The following TMEM132D variants were observed in gnomAD, a reference collection of about 807,000 sequenced individuals.
TMEM132D encodes mature OL transmembrane protein.
In TMEM132D, 21 loss-of-function variants were observed where a neutral mutation model predicts 62.3. That is an observed-to-expected ratio of 0.34 (90% CI 0.24 to 0.49). The LOEUF (loss-of-function observed/expected upper bound fraction) is 0.49. TMEM132D is among the 20% of genes least tolerant of loss of function. The probability of loss-of-function intolerance (pLI) is 0.99; values close to 1 mark genes in which losing one functional copy is unlikely to be tolerated. For synonymous variants in TMEM132D, 621 were observed against 575.6 expected, an observed-to-expected ratio of 1.08 and a Z score of -1.13; for missense variants, 1,346 against 1,402.8, an observed-to-expected ratio of 0.96 and a Z score of 0.65.
At chr12:129,455,084 A>T (rs1416787595) in intron 3 of TMEM132D, among the ~76,000 whole-genome samples, 3 of 152,210 alleles carry the variant, frequency 2.0e-5, no homozygotes, top group Admixed American at 2.0e-4. Flanking sequence ...TTCACCAATG[A>T]ATAATTCTGC....
chr12:129,732,043 C>T (rs996240442), intron 1 of TMEM132D, among the ~76,000 whole-genome samples: 2 of 151,956 alleles, frequency 1.3e-5, no homozygotes, highest in Non-Finnish European at 1.5e-5. Context: ...GAGTGTAGGC[C>T]GGCCTTAGTG....
In TMEM132D at chr12:129,720,513, G is replaced by A. The variant is rs562413698; in HGVS notation, c.80-19815C>T. The stretch of plus-strand genomic sequence containing the variant: ...TCTTCTGATTGAATTACTTTCAAAG[G>A]CAGCCTGTTCATCATTTTGTGAATG... On this transcript the variant is annotated intron_variant, in intron 1 of 8. Transcript: ENST00000422113. Among the ~76,000 whole-genome samples, 156 of 152,258 alleles carry A rather than the reference G, an allele frequency of 1.0e-3. 1 individual carries two copies. The highest frequency in any genetic ancestry group is 3.3e-3 in the African/African-American group (139 of 41,544).
At chr12:129,667,218 A>G (rs1880398707) in intron 2 of TMEM132D, among the ~76,000 whole-genome samples, 1 of 152,220 alleles carries the variant, frequency 6.6e-6, no homozygotes, top group African/African-American at 2.4e-5. Flanking sequence ...CCTTACGGTC[A>G]AACTAATTAA....
At chr12:129,626,031 T>A (rs1593094972) in intron 2 of TMEM132D, among the ~76,000 whole-genome samples, 1 of 152,288 alleles carries the variant, frequency 6.6e-6, no homozygotes, top group East Asian at 1.9e-4. Context: ...ACAGTTGTTT[T>A]CCAATTGTGT....
chr12:129,785,506 C>T (rs1871226685), intron 1 of TMEM132D, among the ~76,000 whole-genome samples: 1 of 152,208 alleles, frequency 6.6e-6, no homozygotes, highest in Admixed American at 6.5e-5. Flanking sequence ...CTCCAATCAC[C>T]ATCATTCCCT....
intron 3 of TMEM132D, among the ~76,000 whole-genome samples, chr12:129,431,093 G>C (rs917057995): frequency 3.9e-5 from 6 of 152,236 alleles, no homozygotes; most frequent in African/African-American, 9.6e-5. Flanking sequence ...ATGGAGAAGA[G>C]AGCGGCTGCT....
rs1438176829 is a variant in TMEM132D, at chr12:129,531,065, T to C, written c.1109A>G (p.Glu370Gly). Residue 370 changes from glutamate to glycine, a missense_variant, in exon 3 of 9, where the codon GAA becomes GGA. Coordinates refer to ENST00000422113, the MANE Select transcript of TMEM132D (RefSeq NM_133448.3). Reference sequence around the variant, plus strand: ...GAGGCCAGTTGGGACTCACCTGTTTTCTGAGCCAGCTGCTTTCTTCTGACA... The same window carrying C: ...GAGGCCAGTTGGGACTCACCTGTTTCCTGAGCCAGCTGCTTTCTTCTGACA... ...IVCQKKAAGSENSADGASYEV... is the reference protein window; with the variant it reads ...IVCQKKAAGSGNSADGASYEV... 1 of 1,612,544 alleles carries C rather than the reference T, an allele frequency of 6.2e-7. No homozygotes were observed. The highest frequency in any genetic ancestry group is 1.1e-5 in the South Asian group (1 of 90,982).
intron 1 of TMEM132D, among the ~76,000 whole-genome samples, chr12:129,706,526 A>C (rs554795099): frequency 2.0e-5 from 3 of 152,140 alleles, no homozygotes; most frequent in Admixed American, 2.0e-4. Context: ...AGAAATTGAT[A>C]GTAACTAAAA....
intron 1 of TMEM132D, among the ~76,000 whole-genome samples, chr12:129,842,000 G>A (rs1235182247): frequency 1.3e-5 from 2 of 148,568 alleles, no homozygotes; most frequent in African/African-American, 2.5e-5. Context: ...GCGCGATCTC[G>A]GCTCACTGCA....
intron 7 of TMEM132D, among the ~76,000 whole-genome samples, chr12:129,079,138 A>T (rs1874372594): frequency 6.6e-6 from 1 of 152,172 alleles, no homozygotes; most frequent in African/African-American, 2.4e-5. Context: ...AAGCCTTCCT[A>T]TCACCAGTGA....
chr12:129,170,164 C>A (rs1004101016), intron 5 of TMEM132D: 1 of 152,172 alleles, frequency 6.6e-6, no homozygotes, highest in African/African-American at 2.4e-5. Context: ...AGGGGTGAGG[C>A]AAAGAGGAGG....
chr12:129,140,847 A>AC (rs1306172403), intron 5 of TMEM132D, among the ~76,000 whole-genome samples: 1 of 151,934 alleles, frequency 6.6e-6, no homozygotes, highest in Non-Finnish European at 1.5e-5. Context: ...CTCAAAAAAA[A>AC]AAAAAAAATT....
intron 2 of TMEM132D, among the ~76,000 whole-genome samples, chr12:129,580,665 C>G (rs1877824635): frequency 6.6e-6 from 1 of 151,944 alleles, no homozygotes; most frequent in Non-Finnish European, 1.5e-5. Context: ...GATCGCGCCA[C>G]TGCACTCCAG....
At chr12:129,331,236 T>C (rs1013151059) in intron 4 of TMEM132D, among the ~76,000 whole-genome samples, 2 of 152,224 alleles carry the variant, frequency 1.3e-5, no homozygotes, top group Non-Finnish European at 2.9e-5. Context: ...CAATGGCACA[T>C]TTGATTCTTC....
At chr12:129,902,483 G>C (rs1284233297) in intron 1 of TMEM132D, among the ~76,000 whole-genome samples, 2 of 152,214 alleles carry the variant, frequency 1.3e-5, no homozygotes, top group African/African-American at 4.8e-5. Flanking sequence ...ACTGTCCAGA[G>C]CTTCCAAACT....
chr12:129,416,154 C>A (rs1288542046), intron 3 of TMEM132D, among the ~76,000 whole-genome samples: 1 of 152,162 alleles, frequency 6.6e-6, no homozygotes. Context: ...GGCAGTATGG[C>A]CATTTTCACA....
intron 1 of TMEM132D, among the ~76,000 whole-genome samples, chr12:129,844,792 T>G (rs115026243): frequency 0.012 from 1,868 of 152,282 alleles, 38 homozygotes; most frequent in African/African-American, 0.042. Context: ...CAGTCCTTAA[T>G]GAACTAGTAA....
chr12:129,818,172 GTA>G (rs1398890243), intron 1 of TMEM132D, among the ~76,000 whole-genome samples: 2 of 146,478 alleles, frequency 1.4e-5, no homozygotes, highest in Non-Finnish European at 3.0e-5. Context: ...ATGTGTGTGT[GTA>G]TGTGTGTGTG....
At chr12:129,104,841 A>C (rs1408412569) in intron 5 of TMEM132D, among the ~76,000 whole-genome samples, 2 of 143,080 alleles carry the variant, frequency 1.4e-5, no homozygotes, top group African/African-American at 5.6e-5. Context: ...AACCACAATG[A>C]GATACCATCT....
Sources: allele counts gnomAD v4.1 joint callset (sites outside exome capture counted in the v4.1 genomes callset), GRCh38; gene constraint gnomAD v4.1.1; transcripts MANE v1.5; gene names NCBI Gene and HGNC (gene_info 2026-07-23, HGNC 2026-07-21).